The following TIMELESS variants were observed in gnomAD, a reference collection of about 807,000 sequenced individuals.
TIMELESS encodes protein timeless homolog.
A neutral mutation model predicts 164.3 loss-of-function variants in TIMELESS; 124 were observed. The observed-to-expected ratio is 0.75, with a 90% CI of 0.65 to 0.88. TIMELESS has a LOEUF of 0.88. Ranked by LOEUF, TIMELESS falls within the 40% of genes least tolerant of loss-of-function variation. TIMELESS has a pLI of 0.00. For synonymous variants in TIMELESS, 564 were observed against 563.4 expected, an observed-to-expected ratio of 1.00 and a Z score of -0.02; for missense variants, 1,422 against 1,491.4, an observed-to-expected ratio of 0.95 and a Z score of 0.77.
rs774289255 is a variant in TIMELESS at position 56,423,840 on chromosome 12, T to C, written c.1923A>G (p.Glu641=). ...GGATTTGTTTCAGCAACTGGATCTC[T>C]TCCTCTGGAGAAATGTCTTGAGAGC... ...VFGSQDISPE[E]EIQLLKQILS... Residue 641 remains glutamate, a synonymous_variant, in exon 16 of 29, where the codon GAA becomes GAG. Coordinates refer to ENST00000553532, the MANE Select transcript of TIMELESS (RefSeq NM_003920.5). The C allele has an allele frequency of 5.0e-6, 8 of 1,612,910 alleles. No homozygotes were observed. In the South Asian group the frequency reaches 8.8e-5, roughly 18 times the overall value.
In TIMELESS at chr12:56,423,179, T is replaced by G. The variant is rs985608875; in HGVS notation, c.2292+95A>C. 18 of 1,491,816 alleles carry G rather than the reference T, an allele frequency of 1.2e-5. No homozygotes were observed. In the East Asian group the frequency reaches 3.9e-4, roughly 32 times the overall value. 92.4% of individuals were successfully genotyped at this position (1,491,816 alleles called of 1,614,324 possible). ...CATTGTTTTCCCATCTCCCAGCCCT[T>G]GACACCTCTCAGCACCTTCTATCTC... On this transcript the variant is annotated intron_variant, in intron 18 of 28. Transcript: ENST00000553532.
At chr12:56,432,818 G>A (rs932102852) in intron 6 of TIMELESS, among the ~76,000 whole-genome samples, 5 of 151,710 alleles carry the variant, frequency 3.3e-5, no homozygotes, top group Admixed American at 2.0e-4. Flanking sequence ...GCATGGTGGC[G>A]GGCACCTGTA....
chr12:56,432,699 C>T (rs1881931253), intron 6 of TIMELESS, among the ~76,000 whole-genome samples, 175 bp from the exon 7 acceptor site: 2 of 152,042 alleles, frequency 1.3e-5, no homozygotes, highest in Non-Finnish European at 2.9e-5. Context: ...AATCCCAGCA[C>T]TTTGGGAGGC....
chr12:56,423,759 G>T (rs753171064), intron 16 of TIMELESS, 38 bp downstream of exon 16: 53 of 1,614,072 alleles, frequency 3.3e-5, no homozygotes, highest in Non-Finnish European at 4.5e-5. Context: ...TGCTAGAAAA[G>T]AGCTGGAAGG....
intron 1 of TIMELESS, among the ~76,000 whole-genome samples, chr12:56,446,774 C>T (rs889336527): frequency 2.0e-5 from 3 of 149,162 alleles, no homozygotes; most frequent in Non-Finnish European, 4.4e-5. Context: ...CACGCCACTG[C>T]ACTCCAGCCT....
At chr12:56,431,371 AAC>A in intron 8 of TIMELESS, 98 bp downstream of exon 8, 15 of 1,365,874 alleles carry the variant, frequency 1.1e-5, no homozygotes, top group Admixed American at 2.6e-5. Context: ...AAAAAAAAAA[AAC>A]ACTAAAATGT....
intron 7 of TIMELESS, 149 bp downstream of exon 7, chr12:56,432,220 A>G: frequency 1.2e-6 from 1 of 806,200 alleles, no homozygotes. Context: ...AACCATGAAT[A>G]AGGGGGTACT....
Position 56,430,149 on chromosome 12 carries a change from C to G in TIMELESS, c.1042G>C (p.Glu348Gln). ...CGGTTGTAACAGTTCTCCAGGAACT[C>G]AGAGCAGAAGTCTCTGAGGAAGAGC... ...VRLFLRDFCS[E>Q]FLENCYNRLM... The change falls in exon 10 of 29, where the codon GAG becomes CAG. Residue 348 changes from glutamate to glutamine, a missense_variant. Glu to Gln is a conservative substitution (Grantham distance 29). Transcript: ENST00000553532. 1 of 1,613,870 alleles carries G rather than the reference C, an allele frequency of 6.2e-7. No individual in the cohort carries two copies. Among genetic ancestry groups the G allele is most frequent in the Non-Finnish European group, 8.5e-7 (1 of 1,179,968 alleles).
Position 56,417,970 on chromosome 12 carries a change from G to A in TIMELESS, c.3493C>T (p.Pro1165Ser). 2 of 1,614,126 alleles carry A rather than the reference G, an allele frequency of 1.2e-6. No individual in the cohort carries two copies. Among genetic ancestry groups the A allele is most frequent in the Non-Finnish European group, 8.5e-7 (1 of 1,180,038 alleles). ...CTGTCCAGCAATTGTCGTTTCTTGG[G>A]TGCTGCCTTCAGCGGCTCTTTACCA... ...AVGKEPLKAA[P>S]KKRQLLDSDE... The change falls in exon 28 of 29, where the codon CCC (proline) becomes TCC (serine). Residue 1165 changes from proline to serine, a missense_variant. Coordinates refer to ENST00000553532, the MANE Select transcript of TIMELESS (RefSeq NM_003920.5).
In TIMELESS at chr12:56,449,391, A is replaced by T. The variant is rs557549657; in HGVS notation, c.-143T>A. ...CCGCAGCCTTTCCGCCACCAGGCTC[A>T]GCTGGACCGGTCCCCGCCTGCGCGA... On this transcript the variant is annotated 5_prime_UTR_variant, in exon 1 of 29. Transcript: ENST00000553532. 1 of 152,362 alleles carries T rather than the reference A, an allele frequency of 6.6e-6. No individual in the cohort carries two copies. The highest frequency in any genetic ancestry group is 2.4e-5 in the African/African-American group (1 of 41,594). The allele number at this position is 152,362 out of a possible 1,614,324, so 9.4% of individuals were successfully genotyped here.
chr12:56,418,633 A>T (rs1881353339), intron 26 of TIMELESS, among the ~76,000 whole-genome samples: 1 of 148,524 alleles, frequency 6.7e-6, no homozygotes, highest in Non-Finnish European at 1.5e-5. Flanking sequence ...GCTGAAGTGC[A>T]GTGGCACAAT....
chr12:56,425,511 A>C (rs1881648598), intron 13 of TIMELESS, among the ~76,000 whole-genome samples: 1 of 152,236 alleles, frequency 6.6e-6, no homozygotes. Flanking sequence ...ATGAGGATCA[A>C]ATAAGACACA....
intron 1 of TIMELESS, among the ~76,000 whole-genome samples, chr12:56,446,780 A>G (rs1868356925): frequency 2.0e-5 from 3 of 150,370 alleles, no homozygotes; most frequent in South Asian, 4.2e-4. Flanking sequence ...ACTGCACTCC[A>G]GCCTGGACAA....
At chr12:56,448,809 A>C (rs894901782) in intron 1 of TIMELESS, among the ~76,000 whole-genome samples, 1 of 152,226 alleles carries the variant, frequency 6.6e-6, no homozygotes, top group East Asian at 1.9e-4. Flanking sequence ...CAAGGAAAAA[A>C]GCTTCATTAG....
chr12:56,439,437 A>G (rs1882182664), intron 1 of TIMELESS, among the ~76,000 whole-genome samples: 1 of 149,520 alleles, frequency 6.7e-6, no homozygotes, highest in South Asian at 2.1e-4. Flanking sequence ...TCTGTTGACC[A>G]GCCCAGGTTG....
chr12:56,432,788 C>A (rs1343929882), intron 6 of TIMELESS, among the ~76,000 whole-genome samples: 11 of 146,992 alleles, frequency 7.5e-5, no homozygotes, highest in Non-Finnish European at 1.3e-4. Context: ...ACTAAAAATA[C>A]AAAAAAAAAA....
intron 18 of TIMELESS, 125 bp from the exon 19 acceptor site, chr12:56,423,117 C>A: frequency 7.1e-7 from 1 of 1,400,062 alleles, no homozygotes. Flanking sequence ...TTCTGTCCTT[C>A]TCCATGCAGC....
In TIMELESS at chr12:56,417,998, A is replaced by G; in HGVS notation, c.3465T>C (p.Ala1155=). The G allele has an allele frequency of 1.2e-6, 2 of 1,614,164 alleles. No homozygotes were observed. The highest frequency in any genetic ancestry group is 1.7e-6 in the Non-Finnish European group (2 of 1,180,022). Residue 1155 remains alanine, a synonymous_variant, in exon 28 of 29, where the codon GCT becomes GCC. Coordinates refer to ENST00000553532, the MANE Select transcript of TIMELESS (RefSeq NM_003920.5). ...AGLASPEEED[A]VGKEPLKAAP... ...CTGCCTTCAGCGGCTCTTTACCAAC[A>G]GCGTCTTCCTCTGCAATGACCATAA...
In TIMELESS at chr12:56,422,035, A is replaced by C; in HGVS notation, c.2525-19T>G. ...TCCTGCCCTGGCGTGGGGAAGGACT[A>C]AGGCAGTAAAGAAGGTCCCACAGCT... is the stretch of plus-strand genomic sequence containing the variant. On this transcript the variant is annotated intron_variant, in intron 20 of 28. Transcript: ENST00000553532. 1 of 1,613,894 alleles carries C rather than the reference A, an allele frequency of 6.2e-7. No individual in the cohort carries two copies. The highest frequency in any genetic ancestry group is 8.5e-7 in the Non-Finnish European group (1 of 1,179,796).
Sources: gnomAD v4.1 joint callset for allele counts (sites outside exome capture counted in the v4.1 genomes callset) on GRCh38, gnomAD v4.1.1 for gene constraint, MANE v1.5 for transcripts, NCBI Gene and HGNC (gene_info 2026-07-23, HGNC 2026-07-21) for gene names.